Variants in IRAG2 observed in about 807,000 individuals in gnomAD.
IRAG2 encodes the protein lymphoid restricted membrane protein.
Under a neutral mutation model 69.9 loss-of-function variants are expected in IRAG2, and 45 were observed. That is an observed-to-expected ratio of 0.64 (90% CI 0.51 to 0.83). The LOEUF (loss-of-function observed/expected upper bound fraction) is 0.83. Among genes scored for constraint, IRAG2 ranks in the 40% least tolerant of loss-of-function variants. IRAG2 has a pLI of 0.00. For missense variants in IRAG2, 520 were observed against 587.0 expected (o/e 0.89, Z 1.18); for synonymous variants, 193 against 202.4 (o/e 0.95, Z 0.40).
intron 2 of IRAG2, among the ~76,000 whole-genome samples, chr12:25,010,061 C>T (rs1224879711): frequency 1.3e-5 from 2 of 152,110 alleles, no homozygotes; most frequent in African/African-American, 2.4e-5. Flanking sequence ...TGAAATTAAC[C>T]ATTACAGGAG....
rs1402155260 is a variant in IRAG2, at chr12:25,015,276, C to A, written c.976+15C>A. On this transcript the variant is annotated intron_variant, in intron 4 of 38. Transcript: ENST00000636465. ...AGATGGAACAAGTATGTATGTGTTTCTTCAGGATTGTTCTGTTTTCTTACG... is the reference window on the plus strand; with the variant it reads ...AGATGGAACAAGTATGTATGTGTTTATTCAGGATTGTTCTGTTTTCTTACG... The A allele has an allele frequency of 6.5e-6, 8 of 1,224,106 alleles. 1 individual carries two copies. The South Asian group carries it at 2.5e-4, about 38-fold the overall frequency. The allele number at this position is 1,224,106 out of a possible 1,614,324, so 75.8% of individuals were successfully genotyped here.
intron 21 of IRAG2, 68 bp downstream of exon 21, chr12:25,107,118 T>A (rs1949219353): frequency 1.3e-6 from 1 of 748,416 alleles, no homozygotes. Flanking sequence ...GGGCTGACAG[T>A]ATTAATCCTA....
At chr12:25,048,846 G>A (rs1944818491), upstream of IRAG2, among the ~76,000 whole-genome samples, 2 of 152,158 alleles carry the variant, frequency 1.3e-5, no homozygotes, top group Non-Finnish European at 2.9e-5. Flanking sequence ...CTGTGCCTAT[G>A]TCCTCAATTT....
intron 15 of IRAG2, among the ~76,000 whole-genome samples, chr12:25,036,932 GA>G (rs56162194): frequency 0.089 from 13,454 of 151,890 alleles, 722 homozygotes; most frequent in East Asian, 0.23. Context: ...ATGATTTAAT[GA>G]AAAAAATGCA....
intron 4 of IRAG2, among the ~76,000 whole-genome samples, chr12:25,065,101 AGAG>A (rs1242201403): frequency 9.9e-5 from 14 of 141,594 alleles, no homozygotes; most frequent in African/African-American, 3.6e-4. Flanking sequence ...AAAAAAAAAA[AGAG>A]AGAGAGAAAG....
Position 25,052,821 on chromosome 12 carries a change from A to C in IRAG2, c.-582A>C, listed in dbSNP as rs2139884399. Reference sequence around the variant, plus strand: ...TAAGGATCGAGATCGAGAAGCCCACACTGCCAGTGAAAAAGCTACGTCTTT... The same window carrying C: ...TAAGGATCGAGATCGAGAAGCCCACCCTGCCAGTGAAAAAGCTACGTCTTT... On this transcript the variant is annotated 5_prime_UTR_variant, in exon 1 of 22. Transcript: ENST00000556887. The C allele has an allele frequency of 2.5e-6, 1 of 398,684 alleles. No individual in the cohort carries two copies. The highest frequency in any genetic ancestry group is 4.4e-5 in the Admixed American group (1 of 22,744). 24.7% of individuals were successfully genotyped at this position (398,684 alleles called of 1,614,324 possible). A position where few individuals can be genotyped will look rare whatever the true frequency, so the allele number is the denominator to read the frequency against.
upstream of IRAG2, chr12:25,052,676 T>C (rs891759330): frequency 2.5e-6 from 1 of 397,682 alleles, no homozygotes; most frequent in Non-Finnish European, 4.4e-6. Context: ...GAGAGGCTTA[T>C]CACTTCCCTG....
At chr12:25,090,014 G>T (rs1168550224) in intron 13 of IRAG2, 43 bp from the exon 14 acceptor site, 2 of 1,597,898 alleles carry the variant, frequency 1.3e-6, no homozygotes, top group African/African-American at 2.7e-5. Flanking sequence ...ACCACATCCG[G>T]TTTTCTCTCC....
intron 2 of IRAG2, among the ~76,000 whole-genome samples, chr12:25,006,814 G>T (rs1469157833): frequency 6.6e-6 from 1 of 152,056 alleles, no homozygotes. Flanking sequence ...TCAGCAACAC[G>T]CAATTTACTC....
intron 2 of IRAG2, chr12:25,011,253 T>G (rs983641098): frequency 1.8e-5 from 16 of 903,562 alleles, no homozygotes; most frequent in Middle Eastern, 3.8e-4. Flanking sequence ...TCCGCAGGAC[T>G]GCCAGGGTTA....
At chr12:25,015,481 T>C in intron 5 of IRAG2, 1 of 1,095,080 alleles carries the variant, frequency 9.1e-7, no homozygotes, top group Non-Finnish European at 1.2e-6. Context: ...TTTTCTTGTT[T>C]ATTTCATAAA....
intron 6 of IRAG2, among the ~76,000 whole-genome samples, chr12:25,077,244 T>TATATGAA (rs1174983702): frequency 0.095 from 6,015 of 63,498 alleles, 1,024 homozygotes; most frequent in South Asian, 0.13. Flanking sequence ...ATATATGAAA[T>TATATGAA]ATATATATGA....
intron 3 of IRAG2, chr12:25,015,112 A>AAAAAAAAAAAAAAAAG (rs1555125446): frequency 8.3e-6 from 3 of 360,090 alleles, no homozygotes; most frequent in Non-Finnish European, 1.1e-5. Flanking sequence ...AAAAAAAAAA[A>AAAAAAAAAAAAAAAAG]GACAAAACTT....
chr12:25,075,751 T>A (rs1002697819), intron 6 of IRAG2: 2 of 152,214 alleles, frequency 1.3e-5, no homozygotes, highest in East Asian at 3.8e-4. Context: ...TTCTCCCTGC[T>A]CTGTGCTATC....
chr12:25,054,694 A>G (rs1178762424), intron 1 of IRAG2, among the ~76,000 whole-genome samples: 1 of 152,152 alleles, frequency 6.6e-6, no homozygotes, highest in Non-Finnish European at 1.5e-5. Context: ...TAACCTGTCC[A>G]GATTTATGAA....
At chr12:25,011,346 C>T in exon 3 of IRAG2, 1 of 1,231,550 alleles carries the variant, frequency 8.1e-7, no homozygotes. Context: ...TCTTTCAGAA[C>T]TGATCTGCTC....
At chr12:25,020,183 C>T (rs1364388747) in intron 6 of IRAG2, among the ~76,000 whole-genome samples, 1 of 152,212 alleles carries the variant, frequency 6.6e-6, no homozygotes, top group East Asian at 1.9e-4. Flanking sequence ...AGGTAGGTAA[C>T]TTCATGATAT....
chr12:25,004,781 A>C, exon 1 of IRAG2: 1 of 1,232,152 alleles, frequency 8.1e-7, no homozygotes, highest in Non-Finnish European at 1.0e-6. Flanking sequence ...TTCTCTAACA[A>C]GGATTTGAAT....
At chr12:25,070,672 A>T (rs1300545728) in intron 6 of IRAG2, among the ~76,000 whole-genome samples, 1 of 152,226 alleles carries the variant, frequency 6.6e-6, no homozygotes, top group African/African-American at 2.4e-5. Context: ...GAGTTACTGC[A>T]TCATATGGTA....
Sources: gnomAD v4.1 joint callset for allele counts (sites outside exome capture counted in the v4.1 genomes callset) on GRCh38, gnomAD v4.1.1 for gene constraint, MANE v1.5 for transcripts, NCBI Gene and HGNC (gene_info 2026-07-23, HGNC 2026-07-21) for gene names.